Variants in PCDH15 observed in about 807,000 individuals in gnomAD.
PCDH15 encodes the protein protocadherin-15.
PCDH15 carries 129 observed loss-of-function variants against 178.5 expected under a neutral mutation model. The ratio of observed to expected loss-of-function variants is 0.72; its 90% CI spans 0.63 to 0.84. The LOEUF (loss-of-function observed/expected upper bound fraction) is 0.84, where lower values mean the gene tolerates loss of function less well. Among genes scored for constraint, PCDH15 ranks in the 40% least tolerant of loss-of-function variants. PCDH15 has a pLI of 0.00. For missense variants in PCDH15, 2,230 were observed against 2,099.9 expected, an observed-to-expected ratio of 1.06 and a Z score of -1.21; for synonymous variants, 800 against 732.0, an observed-to-expected ratio of 1.09 and a Z score of -1.50.
chr10:54,785,667 A>G (rs1230475795), intron 1 of PCDH15, among the ~76,000 whole-genome samples: 1 of 152,028 alleles, frequency 6.6e-6, no homozygotes, highest in East Asian at 1.9e-4. Context: ...AAGACCTTCT[A>G]TACTAATTCT....
At chr10:55,129,068 T>A (rs1215230027) in intron 2 of PCDH15, among the ~76,000 whole-genome samples, 1 of 152,126 alleles carries the variant, frequency 6.6e-6, no homozygotes, top group African/African-American at 2.4e-5. Flanking sequence ...CAATTAATAG[T>A]TCCTTTATAG....
chr10:54,877,512 C>T (rs1400419288), intron 3 of PCDH15, among the ~76,000 whole-genome samples: 1 of 152,074 alleles, frequency 6.6e-6, no homozygotes, highest in Non-Finnish European at 1.5e-5. Context: ...AATTATTTCC[C>T]TGAGGTAAAT....
intron 3 of PCDH15, among the ~76,000 whole-genome samples, chr10:54,873,391 G>A (rs1954074514): frequency 1.3e-5 from 2 of 151,640 alleles, no homozygotes; most frequent in South Asian, 2.1e-4. Context: ...CTTCTACAAA[G>A]TGGATAATCT....
In PCDH15 at chr10:55,521,425, A is replaced by AT. The variant is rs557290148; in HGVS notation, c.-156+106199dup. ...TCAACTTAGAATAGTTCACATTACG[A>AT]TTTTTTTTTGTTTTATGATGATGCA... On this transcript the variant is annotated intron_variant, in intron 2 of 5. Transcript: ENST00000613346. Among the ~76,000 whole-genome samples, 127 of 151,544 alleles carry AT rather than the reference A, an allele frequency of 8.4e-4. 1 individual carries two copies. The South Asian group carries it at 0.015, about 17-fold the overall frequency.
At chr10:55,313,648 C>T (rs914799529) in intron 1 of PCDH15, among the ~76,000 whole-genome samples, 2 of 152,104 alleles carry the variant, frequency 1.3e-5, no homozygotes, top group African/African-American at 2.4e-5. Context: ...GTTCCGTCTT[C>T]ACATATTTCT....
intron 24 of PCDH15, among the ~76,000 whole-genome samples, chr10:53,940,248 T>C (rs1250635713): frequency 6.6e-6 from 1 of 152,246 alleles, no homozygotes; most frequent in Non-Finnish European, 1.5e-5. Context: ...CAAAAATTAA[T>C]GCGAAAGATT....
intron 2 of PCDH15, among the ~76,000 whole-genome samples, chr10:54,988,823 C>T (rs190525072): frequency 8.5e-4 from 130 of 152,258 alleles, no homozygotes; most frequent in African/African-American, 2.7e-3. Flanking sequence ...AAGCCAGCCA[C>T]GGAAATTTGC....
At chr10:54,103,882 C>T (rs969797560) in intron 15 of PCDH15, among the ~76,000 whole-genome samples, 2 of 152,112 alleles carry the variant, frequency 1.3e-5, no homozygotes, top group African/African-American at 4.8e-5. Flanking sequence ...AATATCCATT[C>T]CCATGCCTGT....
At chr10:55,217,621 G>A (rs75610706) in intron 1 of PCDH15, among the ~76,000 whole-genome samples, 5,114 of 151,682 alleles carry the variant, frequency 0.034, 206 homozygotes, top group African/African-American at 0.089. Flanking sequence ...TCATAATGCT[G>A]AATCATAATA....
At chr10:54,550,295 A>G (rs943408735) in intron 2 of PCDH15, among the ~76,000 whole-genome samples, 1 of 152,194 alleles carries the variant, frequency 6.6e-6, no homozygotes, top group African/African-American at 2.4e-5. Flanking sequence ...TATTCTTACA[A>G]CTTCCACTAT....
chr10:54,055,670 C>T (rs1011120522), intron 18 of PCDH15, among the ~76,000 whole-genome samples: 10 of 152,186 alleles, frequency 6.6e-5, no homozygotes, highest in Admixed American at 3.9e-4. Flanking sequence ...ACTTCCCTCC[C>T]CCCTCAACCT....
At chr10:55,137,732 C>T (rs1006379118) in intron 2 of PCDH15, among the ~76,000 whole-genome samples, 9 of 151,946 alleles carry the variant, frequency 5.9e-5, no homozygotes, top group African/African-American at 2.2e-4. Flanking sequence ...CAGGAACAAG[C>T]TTTAAAAGTT....
intron 1 of PCDH15, among the ~76,000 whole-genome samples, chr10:54,739,897 T>C (rs890914245): frequency 6.6e-6 from 1 of 152,042 alleles, no homozygotes; most frequent in Non-Finnish European, 1.5e-5. Context: ...ATGGATTGCA[T>C]ACTTAAACGT....
intron 1 of PCDH15, among the ~76,000 whole-genome samples, chr10:55,289,973 T>C (rs937714885): frequency 5.9e-5 from 9 of 151,892 alleles, no homozygotes; most frequent in Non-Finnish European, 1.2e-4. Context: ...GTTCTTCTGC[T>C]CTTCTGTCAT....
chr10:54,978,262 T>A (rs1174569764), intron 2 of PCDH15, among the ~76,000 whole-genome samples: 1 of 152,070 alleles, frequency 6.6e-6, no homozygotes, highest in East Asian at 1.9e-4. Flanking sequence ...GGAGTCTGGG[T>A]TTAGCAATTA....
chr10:53,964,722 T>C (rs1405544349), intron 21 of PCDH15, among the ~76,000 whole-genome samples: 1 of 152,110 alleles, frequency 6.6e-6, no homozygotes. Flanking sequence ...TAGTGGTGGA[T>C]GGTCAGTTCA....
intron 1 of PCDH15, among the ~76,000 whole-genome samples, chr10:55,169,592 T>G (rs1839278154): frequency 6.6e-6 from 1 of 152,292 alleles, no homozygotes; most frequent in Non-Finnish European, 1.5e-5. Context: ...GCAGTTTCAG[T>G]CTTCATAACC....
intron 9 of PCDH15, among the ~76,000 whole-genome samples, chr10:54,219,290 A>G (rs953595897): frequency 7.2e-6 from 1 of 138,666 alleles, no homozygotes; most frequent in East Asian, 2.3e-4. Context: ...AAAAAAAAAA[A>G]AAAAGGAGAC....
chr10:55,196,774 T>C (rs1156387906), intron 1 of PCDH15, among the ~76,000 whole-genome samples: 1 of 152,090 alleles, frequency 6.6e-6, no homozygotes, highest in Non-Finnish European at 1.5e-5. Flanking sequence ...ACGAGTTTTG[T>C]CTTTCCAAAA....
Sources: allele counts gnomAD v4.1 joint callset (sites outside exome capture counted in the v4.1 genomes callset), GRCh38; gene constraint gnomAD v4.1.1; transcripts MANE v1.5; gene names NCBI Gene and HGNC (gene_info 2026-07-23, HGNC 2026-07-21).